The following PRRX2 variants were observed in gnomAD, a reference collection of about 807,000 sequenced individuals.
The protein encoded by PRRX2 is paired related homeobox 2.
PRRX2 carries 11 observed loss-of-function variants against 18.0 expected under a neutral mutation model. That is an observed-to-expected ratio of 0.61 (90% confidence interval 0.39 to 1.01). The LOEUF is 1.01. PRRX2 is among the 50% of genes least tolerant of loss of function. The probability of loss-of-function intolerance (pLI) is 0.01; values close to 1 mark genes in which losing one functional copy is unlikely to be tolerated. For missense variants in PRRX2, 387 were observed against 351.0 expected, an observed-to-expected ratio of 1.10 and a Z score of -0.82; for synonymous variants, 177 against 154.8, an observed-to-expected ratio of 1.14 and a Z score of -1.06.
rs2119050150 is a variant in PRRX2, at chr9:129,671,680, T to A, written c.259+5554T>A. 6.6e-6 allele frequency among the ~76,000 whole-genome samples: 1 copy of A among 152,310 alleles called. No homozygotes were observed. Among genetic ancestry groups the A allele is most frequent in the African/African-American group, 2.4e-5 (1 of 41,568 alleles). ...TGAGGGTTCTGGGTACCATGCCTAG[T>A]CCACAGTAAAGTGTCTCCACTGCAG... On this transcript the variant is annotated intron_variant, in intron 1 of 3. Coordinates refer to ENST00000372469, the MANE Select transcript of PRRX2 (RefSeq NM_016307.4). The surrounding 1 kb of genome is among the most constrained non-coding windows in gnomAD (Gnocchi z 4.0).
chr9:129,701,726 GTGGACATGCAACAAAAAGTATGCAA>G (rs2130924981), intron 1 of PRRX2, among the ~76,000 whole-genome samples: 2 of 152,338 alleles, frequency 1.3e-5, no homozygotes, highest in South Asian at 4.1e-4. Context: ...CTAGATACAT[GTGGACATGCAACAAAAAGTATGCAA>G]AGAATTAAAC....
At chr9:129,681,134 G>A (rs1832224162) in intron 1 of PRRX2, among the ~76,000 whole-genome samples, 1 of 152,216 alleles carries the variant, frequency 6.6e-6, no homozygotes, top group African/African-American at 2.4e-5. Context: ...GGCAAAGCTG[G>A]GTTCCATGTG....
At position 129,722,476 on chromosome 9, in the gene PRRX2, C is replaced by T. The variant is rs1352477663; in HGVS notation, c.*124C>T. Reference sequence around the variant, plus strand: ...TGGCCCGTCTGTCCAGCCTGGACTCCCGAGCCCACGAGGCTGTTGAGGCCC... The same window carrying T: ...TGGCCCGTCTGTCCAGCCTGGACTCTCGAGCCCACGAGGCTGTTGAGGCCC... On this transcript the variant is annotated 3_prime_UTR_variant, in exon 4 of 4. Transcript: ENST00000372469. 5.1e-6 allele frequency: 6 copies of T among 1,175,554 alleles called. No homozygotes were observed. The Middle Eastern group carries it at 8.8e-4, about 173-fold the overall frequency. The allele number at this position is 1,175,554 out of a possible 1,614,324, so 72.8% of individuals were successfully genotyped here. A position where few individuals can be genotyped will look rare whatever the true frequency, so the allele number is the denominator to read the frequency against.
At chr9:129,703,772 G>C (rs1832528085) in intron 1 of PRRX2, among the ~76,000 whole-genome samples, 1 of 152,186 alleles carries the variant, frequency 6.6e-6, no homozygotes, top group African/African-American at 2.4e-5. Flanking sequence ...GACGCCATTG[G>C]AGCTTTGCCG....
intron 3 of PRRX2, 36 bp from the exon 4 acceptor site, chr9:129,722,181 C>T (rs746662000): frequency 1.3e-5 from 20 of 1,599,286 alleles, no homozygotes; most frequent in African/African-American, 9.4e-5. Flanking sequence ...AGAAGCCAAC[C>T]GCACCCATGT....
intron 1 of PRRX2, among the ~76,000 whole-genome samples, chr9:129,714,317 C>G (rs1183196428): frequency 6.6e-6 from 1 of 150,892 alleles, no homozygotes; most frequent in Admixed American, 6.6e-5. Context: ...GTAGCAGAAT[C>G]GCTTGAACCC....
intron 3 of PRRX2, among the ~76,000 whole-genome samples, chr9:129,721,260 G>A (rs2130938731): frequency 1.3e-5 from 2 of 152,318 alleles, no homozygotes; most frequent in South Asian, 4.1e-4. Flanking sequence ...CGCTGGGAGG[G>A]CTGAGGAAAT....
At chr9:129,687,037 C>A (rs1465088146) in intron 1 of PRRX2, among the ~76,000 whole-genome samples, 1 of 152,028 alleles carries the variant, frequency 6.6e-6, no homozygotes, top group African/African-American at 2.4e-5. Context: ...AAGCCCCCTG[C>A]AGAGGGGGTG....
At position 129,675,972 on chromosome 9, in the gene PRRX2, A is replaced by G. The variant is rs34224225; in HGVS notation, c.259+9846A>G. Among the ~76,000 whole-genome samples the G allele has an allele frequency of 0.022, 3,403 of 152,270 alleles. 52 individuals are homozygous for G. The highest frequency in any genetic ancestry group is 0.065 in the Middle Eastern group (19 of 294). On this transcript the variant is annotated intron_variant, in intron 1 of 3. Coordinates refer to ENST00000372469, the MANE Select transcript of PRRX2 (RefSeq NM_016307.4). The surrounding 1 kb of genome is among the most constrained non-coding windows in gnomAD (Gnocchi z 4.4). The stretch of plus-strand genomic sequence containing the variant: ...ACAGCAGCCCTCTAATGCTCTCAAG[A>G]TGGTGCCTCAGGCAGCTGGTCCAGC...
chr9:129,692,485 G>A (rs1832373322), intron 1 of PRRX2, among the ~76,000 whole-genome samples: 1 of 152,116 alleles, frequency 6.6e-6, no homozygotes, highest in Non-Finnish European at 1.5e-5. Flanking sequence ...AATGCATAAT[G>A]ACACGGATCC....
At chr9:129,717,186 C>T (rs1282839011) in intron 1 of PRRX2, among the ~76,000 whole-genome samples, 6 of 152,010 alleles carry the variant, frequency 3.9e-5, no homozygotes, top group Non-Finnish European at 5.9e-5. Context: ...AACTGGGATT[C>T]CAGACACTTG....
chr9:129,668,536 G>C (rs1276719138), intron 1 of PRRX2, among the ~76,000 whole-genome samples: 1 of 152,086 alleles, frequency 6.6e-6, no homozygotes, highest in African/African-American at 2.4e-5. Context: ...CCAGTGCTTT[G>C]GGAGGCTGAG....
chr9:129,682,763 C>T (rs976185993), intron 1 of PRRX2, among the ~76,000 whole-genome samples: 1 of 152,210 alleles, frequency 6.6e-6, no homozygotes, highest in Admixed American at 6.5e-5. Context: ...GGGCTCCATC[C>T]TCAGGTCTTC....
intron 1 of PRRX2, among the ~76,000 whole-genome samples, chr9:129,697,600 G>T (rs1217001966): frequency 6.6e-6 from 1 of 151,716 alleles, no homozygotes; most frequent in Non-Finnish European, 1.5e-5. Context: ...GCCGGCCCTG[G>T]CATCCCCTGG....
intron 1 of PRRX2, among the ~76,000 whole-genome samples, chr9:129,674,100 A>G (rs1001622207): frequency 6.6e-6 from 1 of 152,100 alleles, no homozygotes; most frequent in South Asian, 2.1e-4. Flanking sequence ...GAATCGCACC[A>G]GATCCTGGAA....
chr9:129,685,364 T>A (rs1467611872), intron 1 of PRRX2, among the ~76,000 whole-genome samples: 1 of 152,222 alleles, frequency 6.6e-6, no homozygotes, highest in East Asian at 1.9e-4. Context: ...GTTCATTTCC[T>A]TTTTTTATTT....
At chr9:129,673,250 A>G (rs1325841360) in intron 1 of PRRX2, among the ~76,000 whole-genome samples, 1 of 152,152 alleles carries the variant, frequency 6.6e-6, no homozygotes, top group African/African-American at 2.4e-5. Flanking sequence ...AAAGTTCAAG[A>G]CCAGCTTGAG....
chr9:129,700,423 A>G (rs1832479892), intron 1 of PRRX2, among the ~76,000 whole-genome samples: 1 of 144,640 alleles, frequency 6.9e-6, no homozygotes, highest in Admixed American at 7.0e-5. Context: ...TCCGCCTCCC[A>G]GGTTCAAGCG....
intron 1 of PRRX2, among the ~76,000 whole-genome samples, chr9:129,696,326 G>C (rs1321187162): frequency 6.6e-6 from 1 of 152,218 alleles, no homozygotes; most frequent in Non-Finnish European, 1.5e-5. Flanking sequence ...TGGAATCCCA[G>C]CACTTTGGGA....
Sources: gnomAD v4.1 joint callset for allele counts (sites outside exome capture counted in the v4.1 genomes callset) on GRCh38, gnomAD v4.1.1 for gene constraint, Gnocchi (gnomAD v3.1) non-coding constraint, MANE v1.5 for transcripts, NCBI Gene and HGNC (gene_info 2026-07-23, HGNC 2026-07-21) for gene names.